NACC2: variants seen among roughly 807,000 people sequenced by gnomAD.
NACC2 encodes the protein nucleus accumbens-associated protein 2.
NACC2 carries 8 observed loss-of-function variants against 25.1 expected under a neutral mutation model. The ratio of observed to expected loss-of-function variants is 0.32; its 90% CI spans 0.19 to 0.57. The LOEUF is 0.57. NACC2 is among the 20% of genes least tolerant of loss of function. The pLI, the probability that NACC2 is intolerant of heterozygous loss-of-function variation, is 0.89. For missense variants in NACC2, 644 were observed against 650.2 expected (o/e 0.99, Z 0.10); for synonymous variants, 435 against 294.7 (o/e 1.48, Z -4.88).
At position 136,013,189 on chromosome 9, in the gene NACC2, A is replaced by AG; in HGVS notation, c.1255+9dup. 1 of 347,382 alleles carries AG rather than the reference A, an allele frequency of 2.9e-6. No homozygotes were observed. The highest frequency in any genetic ancestry group is 3.4e-5 in the African/African-American group (1 of 29,084). 21.5% of individuals were successfully genotyped at this position (347,382 alleles called of 1,614,324 possible). On this transcript the variant is annotated intron_variant, in intron 5 of 5. Transcript: ENST00000277554. This position sits in a 1 kb window ranked among gnomAD's most constrained non-coding sequence, Gnocchi z 6.6. ...GGCCCCACCCACCCGAGAGACCCCC[A>AG]GGCTCTTACATTTCACAGCGTTCAG...
chr9:136,052,401 ACTC>A (rs1404597910), intron 1 of NACC2, among the ~76,000 whole-genome samples: 2 of 140,582 alleles, frequency 1.4e-5, no homozygotes, highest in Non-Finnish European at 3.0e-5. Flanking sequence ...GCAGAGCTGA[ACTC>A]CTCCAGCGAG....
At chr9:136,024,421 A>G (rs1376762119) in intron 2 of NACC2, among the ~76,000 whole-genome samples, 3 of 117,004 alleles carry the variant, frequency 2.6e-5, no homozygotes, top group Non-Finnish European at 3.4e-5. Flanking sequence ...TGTGTGTGTG[A>G]GGACAGAGTG....
chr9:136,008,898 A>G lies in NACC2; in HGVS notation c.*2618T>C, dbSNP rs555259149. On this transcript the variant is annotated 3_prime_UTR_variant, in exon 6 of 6. Coordinates refer to ENST00000277554, the MANE Select transcript of NACC2 (RefSeq NM_144653.5). ...AACCCATTCACATTAAATTATTATT[A>G]TTTAAGTTTTATCTATAGCTCTTGC... 1 of 152,348 alleles carries G rather than the reference A, an allele frequency of 6.6e-6. No homozygotes were observed. Among genetic ancestry groups the G allele is most frequent in the East Asian group, 1.9e-4 (1 of 5,186 alleles). 9.4% of individuals were successfully genotyped at this position (152,348 alleles called of 1,614,324 possible). A position where few individuals can be genotyped will look rare whatever the true frequency, so the allele number is the denominator to read the frequency against.
chr9:136,017,953 C>A (rs955172412), intron 2 of NACC2, among the ~76,000 whole-genome samples: 1 of 152,192 alleles, frequency 6.6e-6, no homozygotes, highest in South Asian at 2.1e-4. Flanking sequence ...GGGGCTGGAC[C>A]TTGCTTGCCG....
chr9:136,067,889 T>C (rs1213913602), intron 1 of NACC2, among the ~76,000 whole-genome samples: 2 of 152,236 alleles, frequency 1.3e-5, no homozygotes, highest in Non-Finnish European at 2.9e-5. Flanking sequence ...GGTTAGGCTA[T>C]ATGGCATAGC....
intron 2 of NACC2, among the ~76,000 whole-genome samples, chr9:136,024,294 GTGTGTGAGGACAGAGGGTT>G (rs1840348001): frequency 6.9e-6 from 1 of 144,052 alleles, no homozygotes; most frequent in Non-Finnish European, 1.5e-5. Context: ...GAGGGTGCGT[GTGTGTGAGGACAGAGGGTT>G]TGTGTGAGGA....
At chr9:136,067,748 T>TCACTTG (rs947009384) in intron 1 of NACC2, among the ~76,000 whole-genome samples, 12 of 152,268 alleles carry the variant, frequency 7.9e-5, no homozygotes, top group Admixed American at 3.3e-4. Context: ...GGCAGGAGAA[T>TCACTTG]CACTTGAACC....
rs80075748 is a variant in NACC2, at chr9:136,091,999, T to C, written c.-60+3190A>G. On this transcript the variant is annotated intron_variant, in intron 1 of 5. Transcript: ENST00000277554. ...AACAACCTTCCAGTCACATCTCCTC[T>C]GTGACTCTGGACAGGCTGAAAGGGA... 3.7e-3 allele frequency among the ~76,000 whole-genome samples: 564 copies of C among 152,158 alleles called. 13 individuals are homozygous for C. In the East Asian group the frequency reaches 0.059, roughly 16 times the overall value.
intron 2 of NACC2, among the ~76,000 whole-genome samples, chr9:136,037,714 G>A (rs1277570655): frequency 1.3e-5 from 2 of 151,914 alleles, no homozygotes; most frequent in Non-Finnish European, 2.9e-5. Context: ...TCACCATGTT[G>A]GCCAGGCTGG....
rs1050060557 is a variant in NACC2, at chr9:136,016,377, G to A, written c.939C>T (p.Ile313=). 1.9e-6 allele frequency: 3 copies of A among 1,611,606 alleles called. No individual in the cohort carries two copies. Among genetic ancestry groups the A allele is most frequent in the Non-Finnish European group, 8.5e-7 (1 of 1,179,936 alleles). ...CAGGTAGGGCCACGAGGTCGCGGCG[G>A]ATGAGGACGCAGGAGCGGCTCTCCA... ...VPLESRSCVL[I]RRDLVALPAS... is the part of the protein sequence containing the mutation. The change falls in exon 3 of 6, where the codon ATC becomes ATT. Residue 313 remains isoleucine (I), a synonymous_variant. Coordinates refer to ENST00000277554, the MANE Select transcript of NACC2 (RefSeq NM_144653.5).
intron 1 of NACC2, among the ~76,000 whole-genome samples, chr9:136,068,837 G>A (rs1841117243): frequency 6.6e-6 from 1 of 150,508 alleles, no homozygotes; most frequent in Non-Finnish European, 1.5e-5. Flanking sequence ...TAAAATAGGA[G>A]ACAAGGCCTC....
At chr9:136,025,348 G>A (rs757946382) in intron 2 of NACC2, among the ~76,000 whole-genome samples, 44 of 152,138 alleles carry the variant, frequency 2.9e-4, no homozygotes, top group Non-Finnish European at 5.7e-4. Context: ...CCATAAGAAA[G>A]GGCCAGGAAT....
At chr9:136,034,791 T>G (rs949379246) in intron 2 of NACC2, among the ~76,000 whole-genome samples, 3 of 151,816 alleles carry the variant, frequency 2.0e-5, no homozygotes, top group Admixed American at 6.6e-5. Flanking sequence ...AGTTGTGGAG[T>G]TAGAAATAAT....
chr9:136,093,247 C>G (rs1038447583), intron 1 of NACC2, among the ~76,000 whole-genome samples: 1 of 152,224 alleles, frequency 6.6e-6, no homozygotes, highest in African/African-American at 2.4e-5. Flanking sequence ...CTGGAAGAAC[C>G]GCTCAGCACC....
At chr9:136,024,514 T>C (rs1172569001) in intron 2 of NACC2, among the ~76,000 whole-genome samples, 1 of 138,900 alleles carries the variant, frequency 7.2e-6, no homozygotes, top group East Asian at 2.2e-4. Context: ...TGTGTGTGTG[T>C]GTGTGTGTGT....
chr9:136,024,504 TG>T (rs1441953310), intron 2 of NACC2, among the ~76,000 whole-genome samples: 1 of 1,786 alleles, frequency 5.6e-4, no homozygotes. Flanking sequence ...GAGGACAGAA[TG>T]TGTGTGTGTG....
In NACC2 at chr9:136,025,639, C is replaced by T. The variant is rs1054568303; in HGVS notation, c.887-9210G>A. 5.3e-5 allele frequency among the ~76,000 whole-genome samples: 8 copies of T among 150,532 alleles called. No homozygotes were observed. In the East Asian group the frequency reaches 7.8e-4, roughly 15 times the overall value. Reference sequence around the variant, plus strand: ...TAAAAAAAAAAAAAACGCAGCCGGGCGCAGTGGCTCATGCCTGTAATCCCG... The same window carrying T: ...TAAAAAAAAAAAAAACGCAGCCGGGTGCAGTGGCTCATGCCTGTAATCCCG... On this transcript the variant is annotated intron_variant, in intron 2 of 5. Transcript: ENST00000277554.
At chr9:136,017,865 G>C (rs1320076890) in intron 2 of NACC2, among the ~76,000 whole-genome samples, 2 of 152,202 alleles carry the variant, frequency 1.3e-5, no homozygotes, top group African/African-American at 4.8e-5. Context: ...GGCCTGCAGG[G>C]AAGGCCCCAA....
At chr9:136,083,222 G>A (rs1830342200) in intron 1 of NACC2, among the ~76,000 whole-genome samples, 1 of 152,202 alleles carries the variant, frequency 6.6e-6, no homozygotes, top group African/African-American at 2.4e-5. Context: ...AGCTGGTGGG[G>A]GTCAGAGCCC....
Sources: gnomAD v4.1 joint callset for allele counts (sites outside exome capture counted in the v4.1 genomes callset) on GRCh38, gnomAD v4.1.1 for gene constraint, Gnocchi (gnomAD v3.1) non-coding constraint, MANE v1.5 for transcripts, NCBI Gene and HGNC (gene_info 2026-07-23, HGNC 2026-07-21) for gene names.